Variants in CHIC1 observed in about 807,000 individuals in gnomAD.
CHIC1 encodes cysteine-rich hydrophobic domain-containing protein 1.
Under a neutral mutation model 18.5 loss-of-function variants are expected in CHIC1, and 7 were observed. The observed-to-expected ratio is 0.38, with a 90% CI of 0.22 to 0.71. The LOEUF is 0.71. CHIC1 is among the 30% of genes least tolerant of loss of function. The pLI is 0.49. For synonymous variants in CHIC1, 77 were observed against 73.5 expected (o/e 1.05, Z -0.25); for missense variants, 159 against 176.9 (o/e 0.90, Z 0.57).
intron 3 of CHIC1, among the ~76,000 whole-genome samples, chrX:73,611,325 C>T (rs1404286345): frequency 1.8e-5 from 2 of 108,136 alleles, no homozygotes; most frequent in East Asian, 5.7e-4. Flanking sequence ...CAGCTTCATC[C>T]ATGTCCCTAC....
intron 3 of CHIC1, among the ~76,000 whole-genome samples, chrX:73,674,913 C>G (rs1340081844): frequency 2.7e-5 from 3 of 111,517 alleles, no homozygotes; most frequent in African/African-American, 9.8e-5. Context: ...TGAATGTGTC[C>G]CAGAGATTCT....
intron 3 of CHIC1, among the ~76,000 whole-genome samples, chrX:73,662,347 A>G (rs2057985013): frequency 9.3e-6 from 1 of 107,691 alleles, no homozygotes; most frequent in Admixed American, 1.0e-4. Context: ...TAGTGAGCAA[A>G]AAAACCTGTT....
At chrX:73,613,455 C>T (rs2057718308) in intron 3 of CHIC1, among the ~76,000 whole-genome samples, 1 of 111,090 alleles carries the variant, frequency 9.0e-6, no homozygotes, top group African/African-American at 3.3e-5. Context: ...TGCTTCCTCT[C>T]TTATCATATG....
rs771656764 is a variant in CHIC1 at position 73,652,223 on chromosome X, A to G, written c.508-27103A>G. Among the ~76,000 whole-genome samples the G allele has an allele frequency of 1.4e-4, 16 of 112,205 alleles. 1 individual carries two copies. Among genetic ancestry groups the G allele is most frequent in the Non-Finnish European group, 2.4e-4 (13 of 53,257 alleles). ...ACTGTACCCCTTCCTTACACCTTATACAAAAATTAACTCAAGATGGAATAA... is the reference window on the plus strand; with the variant it reads ...ACTGTACCCCTTCCTTACACCTTATGCAAAAATTAACTCAAGATGGAATAA... On this transcript the variant is annotated intron_variant, in intron 3 of 5. Coordinates refer to ENST00000373502, the MANE Select transcript of CHIC1 (RefSeq NM_001039840.4).
chrX:73,661,900 G>A (rs778979338), intron 3 of CHIC1, among the ~76,000 whole-genome samples: 1 of 110,622 alleles, frequency 9.0e-6, no homozygotes, highest in African/African-American at 3.3e-5. Context: ...GTATGGGGGA[G>A]TGAAATATTT....
chrX:73,648,750 C>T (rs1006753595), intron 3 of CHIC1, among the ~76,000 whole-genome samples: 2 of 111,615 alleles, frequency 1.8e-5, no homozygotes, highest in South Asian at 3.8e-4. Flanking sequence ...CTGGAGTACC[C>T]GAAGGAGACG....
intron 2 of CHIC1, among the ~76,000 whole-genome samples, chrX:73,581,431 C>A (rs760535540): frequency 1.8e-5 from 2 of 110,959 alleles, no homozygotes; most frequent in Non-Finnish European, 3.8e-5. Flanking sequence ...GCTAGAGACA[C>A]TCAATTATAT....
chrX:73,654,416 G>T (rs2057932035), intron 3 of CHIC1, among the ~76,000 whole-genome samples: 1 of 111,538 alleles, frequency 9.0e-6, no homozygotes, highest in Non-Finnish European at 1.9e-5. Flanking sequence ...TTTTTAATGT[G>T]TTACTAGATA....
chrX:73,662,603 G>T (rs746248868), intron 3 of CHIC1, among the ~76,000 whole-genome samples: 1 of 108,041 alleles, frequency 9.3e-6, no homozygotes, highest in South Asian at 4.2e-4. Context: ...TTTTGCCCAA[G>T]ATGAGGTGAA....
chrX:73,679,709 A>G lies in CHIC1; in HGVS notation c.620A>G (p.Glu207Gly). The G allele has an allele frequency of 9.8e-7, 1 of 1,022,281 alleles. No individual in the cohort carries two copies. The highest frequency in any genetic ancestry group is 1.3e-6 in the Non-Finnish European group (1 of 764,165). 84.2% of individuals were successfully genotyped at this position (1,022,281 alleles called of 1,213,427 possible). The change falls in exon 5 of 6, where the codon GAG (glutamate) becomes GGG (glycine). Residue 207 changes from glutamate (E) to glycine (G), a missense_variant. Transcript: ENST00000373502. ...AAATGTGAAACTAGCAATATGATGGAGTATGTAAGTATGAGGTTGTTTTTA... is the reference window on the plus strand; with the variant it reads ...AAATGTGAAACTAGCAATATGATGGGGTATGTAAGTATGAGGTTGTTTTTA... ...KRKCETSNMMEYVILIEFLPK... is the reference protein window; with the variant it reads ...KRKCETSNMMGYVILIEFLPK...
chrX:73,677,292 A>G (rs1053629916), intron 3 of CHIC1, among the ~76,000 whole-genome samples: 1 of 112,240 alleles, frequency 8.9e-6, no homozygotes, highest in Non-Finnish European at 1.9e-5. Context: ...TGCAGAGGTT[A>G]CTGCTGTCTT....
chrX:73,675,424 A>G (rs934301294), intron 3 of CHIC1, among the ~76,000 whole-genome samples: 6 of 111,625 alleles, frequency 5.4e-5, no homozygotes, highest in Admixed American at 9.5e-5. Context: ...CCTGTATTGG[A>G]TGCATATATA....
At chrX:73,668,619 T>G (rs1401643776) in intron 3 of CHIC1, among the ~76,000 whole-genome samples, 1 of 111,603 alleles carries the variant, frequency 9.0e-6, no homozygotes, top group African/African-American at 3.3e-5. Flanking sequence ...TGCAGTTTGC[T>G]GGGGGTCCGC....
intron 3 of CHIC1, among the ~76,000 whole-genome samples, chrX:73,605,326 C>CT (rs1285972614): frequency 3.7e-5 from 4 of 107,671 alleles, no homozygotes; most frequent in Non-Finnish European, 5.7e-5. Flanking sequence ...GCAACTCCTG[C>CT]TTTTTTTGGC....
chrX:73,663,114 A>G (rs1203022519), intron 3 of CHIC1, among the ~76,000 whole-genome samples: 2 of 111,827 alleles, frequency 1.8e-5, no homozygotes, highest in East Asian at 2.8e-4. Context: ...AGGAATCACC[A>G]TGGGGGAAGG....
At chrX:73,638,837 T>C (rs776835523) in intron 3 of CHIC1, among the ~76,000 whole-genome samples, 1 of 111,896 alleles carries the variant, frequency 8.9e-6, no homozygotes, top group Non-Finnish European at 1.9e-5. Context: ...GCTTCATCCA[T>C]GTTGCTGCAA....
At chrX:73,641,788 G>T (rs1180491328) in intron 3 of CHIC1, among the ~76,000 whole-genome samples, 2 of 110,083 alleles carry the variant, frequency 1.8e-5, no homozygotes, top group Non-Finnish European at 3.8e-5. Flanking sequence ...TTGTTCTTGC[G>T]ATGGTTTACT....
intron 3 of CHIC1, among the ~76,000 whole-genome samples, chrX:73,659,821 G>A (rs1260732410): frequency 9.0e-6 from 1 of 111,630 alleles, no homozygotes; most frequent in Non-Finnish European, 1.9e-5. Context: ...GATGTCCCAG[G>A]CACCATAAAG....
chrX:73,633,962 C>A (rs1318749425), intron 3 of CHIC1, among the ~76,000 whole-genome samples: 1 of 111,244 alleles, frequency 9.0e-6, no homozygotes, highest in East Asian at 2.8e-4. Flanking sequence ...GTGTAATTTT[C>A]TGTGTTCTGT....
Sources: allele counts gnomAD v4.1 joint callset (sites outside exome capture counted in the v4.1 genomes callset), GRCh38; gene constraint gnomAD v4.1.1; transcripts MANE v1.5; gene names NCBI Gene and HGNC (gene_info 2026-07-23, HGNC 2026-07-21).